NFIB: variants seen among roughly 807,000 people sequenced by gnomAD.
NFIB encodes the protein nuclear factor I B, also known as nuclear factor 1 B-type.
In NFIB, 11 loss-of-function variants were observed where a neutral mutation model predicts 61.5. That is an observed-to-expected ratio of 0.18 (90% CI 0.11 to 0.30). The LOEUF is 0.30. Among genes scored for constraint, NFIB ranks in the 10% least tolerant of loss-of-function variants. The pLI, the probability that NFIB is intolerant of heterozygous loss-of-function variation, is 1.00. For synonymous variants in NFIB, 260 were observed against 216.5 expected (o/e 1.20, Z -1.76); for missense variants, 471 against 608.9 (o/e 0.77, Z 2.38).
At chr9:14,241,070 G>A (rs2054293017) in intron 2 of NFIB, among the ~76,000 whole-genome samples, 1 of 152,190 alleles carries the variant, frequency 6.6e-6, no homozygotes. Context: ...AGCTGAGAAA[G>A]AAAGCACATG....
chr9:14,314,167 A>T (rs1321456591), upstream of NFIB: 4 of 320,084 alleles, frequency 1.2e-5, no homozygotes, highest in South Asian at 1.4e-4. Flanking sequence ...CGCGCGCGGG[A>T]GAGGGCCGGG....
At chr9:14,312,656 G>A (rs2060335659) in intron 1 of NFIB, among the ~76,000 whole-genome samples, 1 of 152,104 alleles carries the variant, frequency 6.6e-6, no homozygotes, top group Admixed American at 6.5e-5. Flanking sequence ...TAAAACCAGT[G>A]TTTTATTTCA....
the NFIB span, among the ~76,000 whole-genome samples, chr9:14,419,903 T>C: frequency 1.3e-5 from 2 of 152,174 alleles, no homozygotes; most frequent in African/African-American, 4.8e-5. Context: ...AAGTATAGAA[T>C]TTTGTAGTTT....
the NFIB span, among the ~76,000 whole-genome samples, chr9:14,466,263 TC>T: frequency 6.6e-6 from 1 of 152,182 alleles, no homozygotes; most frequent in African/African-American, 2.4e-5. Context: ...TTACTATTTG[TC>T]ATAAAACCCT....
chr9:14,188,667 A>C (rs2047632189), intron 2 of NFIB, among the ~76,000 whole-genome samples: 1 of 152,226 alleles, frequency 6.6e-6, no homozygotes, highest in Admixed American at 6.5e-5. Flanking sequence ...TTTGAGGAAC[A>C]ATTTGCCAAC....
intron 2 of NFIB, among the ~76,000 whole-genome samples, chr9:14,220,100 G>C (rs2051459970): frequency 1.3e-5 from 2 of 152,240 alleles, no homozygotes; most frequent in Non-Finnish European, 2.9e-5. Flanking sequence ...CCTAGCAACA[G>C]GCTGTGGTCT....
the NFIB span, among the ~76,000 whole-genome samples, chr9:14,447,631 T>C: frequency 1.3e-5 from 2 of 152,184 alleles, no homozygotes; most frequent in East Asian, 1.9e-4. Flanking sequence ...ATATTTTCTT[T>C]GTAGTTTTCT....
chr9:14,454,213 T>A, the NFIB span, among the ~76,000 whole-genome samples: 1 of 152,322 alleles, frequency 6.6e-6, no homozygotes, highest in Admixed American at 6.5e-5. Flanking sequence ...ACCAGTACAA[T>A]TGTCAATACA....
chr9:14,190,786 T>C lies in NFIB; in HGVS notation c.563-11006A>G, dbSNP rs1340221135. Among the ~76,000 whole-genome samples, 6 of 152,248 alleles carry C rather than the reference T, an allele frequency of 3.9e-5. No individual in the cohort carries two copies. The East Asian group carries it at 1.2e-3, about 29-fold the overall frequency. On this transcript the variant is annotated intron_variant, in intron 2 of 10. Transcript: ENST00000380953. The stretch of plus-strand genomic sequence containing the variant: ...GTCAAGAATATTCTAATAAGTGAAA[T>C]AATGGGTTTGAAAGAACTTTGAAAA...
intron 1 of NFIB, among the ~76,000 whole-genome samples, chr9:14,352,014 G>C (rs1487022833): frequency 3.3e-5 from 5 of 152,122 alleles, no homozygotes; most frequent in African/African-American, 1.2e-4. Context: ...GAAGTATATA[G>C]CTAACAATAA....
chr9:14,174,723 C>T (rs1006393335), intron 3 of NFIB, among the ~76,000 whole-genome samples: 15 of 147,782 alleles, frequency 1.0e-4, no homozygotes, highest in African/African-American at 3.3e-4. Flanking sequence ...GCCGAGATCA[C>T]GCCACTGCAC....
the NFIB span, among the ~76,000 whole-genome samples, chr9:14,495,592 T>C: frequency 1.3e-5 from 2 of 151,994 alleles, no homozygotes; most frequent in South Asian, 2.1e-4. Flanking sequence ...ATTTCAAGCA[T>C]CAGCTGGAAG....
chr9:14,236,195 T>C (rs1404535812), intron 2 of NFIB, among the ~76,000 whole-genome samples: 1 of 152,212 alleles, frequency 6.6e-6, no homozygotes, highest in African/African-American at 2.4e-5. Flanking sequence ...TAAATTGGCA[T>C]CTTTATGAAT....
the NFIB span, among the ~76,000 whole-genome samples, chr9:14,480,000 G>A: frequency 3.3e-5 from 5 of 152,068 alleles, no homozygotes; most frequent in South Asian, 1.0e-3. Context: ...AGGCAGGGAG[G>A]GAGGGAGGAA....
the NFIB span, among the ~76,000 whole-genome samples, chr9:14,432,995 C>T: frequency 6.6e-6 from 1 of 152,106 alleles, no homozygotes; most frequent in Non-Finnish European, 1.5e-5. Flanking sequence ...TTTAGTATTA[C>T]ATAAATAACA....
chr9:14,218,975 T>C (rs1207732417), intron 2 of NFIB, among the ~76,000 whole-genome samples: 1 of 152,128 alleles, frequency 6.6e-6, no homozygotes, highest in African/African-American at 2.4e-5. Flanking sequence ...CATGGTCTCC[T>C]TCTGGCTTTA....
chr9:14,346,294 C>CCT (rs2061020393), intron 1 of NFIB, among the ~76,000 whole-genome samples: 1 of 137,826 alleles, frequency 7.3e-6, no homozygotes, highest in Admixed American at 7.0e-5. Flanking sequence ...ACCGACACCC[C>CCT]CCCCCCGTAA....
chr9:14,440,126 T>A, the NFIB span, among the ~76,000 whole-genome samples: 1 of 152,118 alleles, frequency 6.6e-6, no homozygotes, highest in African/African-American at 2.4e-5. Flanking sequence ...GCTCTGAAAA[T>A]GGCTGAGCCC....
At chr9:14,345,914 T>G (rs2061011664) in intron 1 of NFIB, among the ~76,000 whole-genome samples, 1 of 152,176 alleles carries the variant, frequency 6.6e-6, no homozygotes, top group South Asian at 2.1e-4. Flanking sequence ...GGGTGCCATT[T>G]CGAGGAGCCT....
Sources: gnomAD v4.1 joint callset for allele counts (sites outside exome capture counted in the v4.1 genomes callset) on GRCh38, gnomAD v4.1.1 for gene constraint, MANE v1.5 for transcripts, NCBI Gene and HGNC (gene_info 2026-07-23, HGNC 2026-07-21) for gene names.